Variants in ASTN1 observed in about 807,000 individuals in gnomAD.
ASTN1 encodes the protein astrotactin 1, also known as astrotactin-1.
A neutral mutation model predicts 140.7 loss-of-function variants in ASTN1; 41 were observed. The observed-to-expected ratio is 0.29, with a 90% CI of 0.23 to 0.38. The LOEUF is 0.38. Ranked by LOEUF, ASTN1 falls within the 10% of genes least tolerant of loss-of-function variation. The pLI is 1.00. For missense variants in ASTN1, 1,479 were observed against 1,678.8 expected, an observed-to-expected ratio of 0.88 and a Z score of 2.08; for synonymous variants, 640 against 652.2, an observed-to-expected ratio of 0.98 and a Z score of 0.29.
intron 8 of ASTN1, among the ~76,000 whole-genome samples, chr1:176,986,516 A>G (rs1175700416): frequency 6.6e-6 from 1 of 152,116 alleles, no homozygotes; most frequent in African/African-American, 2.4e-5. Flanking sequence ...AGTGATTTGG[A>G]AGTGGGGGGA....
At chr1:177,067,731 A>G (rs1417919887) in intron 1 of ASTN1, among the ~76,000 whole-genome samples, 1 of 152,182 alleles carries the variant, frequency 6.6e-6, no homozygotes, top group Admixed American at 6.5e-5. Context: ...GATCCTCTAA[A>G]GACCCCAACT....
In ASTN1 at chr1:176,943,891, C is replaced by A; in HGVS notation, c.2377G>T (p.Gly793Trp). ...EPTPDPDFLT[G>W]MVNFSEVSGY... ...AATAAGGTTGAGAAGGCACACTCAC[C>A]AGTCAGGAAGTCAGGGTCAGGGGTG... Residue 793 changes from glycine to tryptophan, a missense_variant and splice_region_variant, in exon 14 of 23, where the codon GGG becomes TGG. This residue lies in a region of ASTN1 where 746 missense variants were observed against 800.9 expected (regional missense o/e 0.93). Coordinates refer to ENST00000361833, the MANE Select transcript of ASTN1 (RefSeq NM_004319.3). 6.3e-7 allele frequency: 1 copy of A among 1,599,472 alleles called. No homozygotes were observed. The highest frequency in any genetic ancestry group is 8.5e-7 in the Non-Finnish European group (1 of 1,171,544).
chr1:176,999,715 G>T (rs753676637), intron 8 of ASTN1, among the ~76,000 whole-genome samples: 2 of 152,098 alleles, frequency 1.3e-5, no homozygotes, highest in African/African-American at 2.4e-5. Flanking sequence ...GTATGGGGAG[G>T]GACCCGGTGG....
intron 20 of ASTN1, among the ~76,000 whole-genome samples, chr1:176,877,352 C>G (rs1668610007): frequency 6.6e-6 from 1 of 152,156 alleles, no homozygotes; most frequent in African/African-American, 2.4e-5. Flanking sequence ...AGATGCAAAA[C>G]AGCCCTAGTG....
chr1:176,868,331 G>A (rs1048458313), intron 22 of ASTN1, among the ~76,000 whole-genome samples: 1 of 152,206 alleles, frequency 6.6e-6, no homozygotes. Flanking sequence ...GCCAAGAGAA[G>A]TTAGCACACA....
chr1:177,019,786 C>T (rs1675728876), intron 7 of ASTN1, among the ~76,000 whole-genome samples: 1 of 152,170 alleles, frequency 6.6e-6, no homozygotes, highest in Non-Finnish European at 1.5e-5. Flanking sequence ...TCCATAGATT[C>T]CTGATACATC....
At position 176,863,890 on chromosome 1, in the gene ASTN1, G is replaced by A; in HGVS notation, c.*394C>T. ...CTTTCTGGCCTCACCTCTGCTCCCA[G>A]TTGCAATGGATTTAGGAACTGAGTG... is the stretch of plus-strand genomic sequence containing the variant. On this transcript the variant is annotated 3_prime_UTR_variant, in exon 23 of 23. Coordinates refer to ENST00000361833, the MANE Select transcript of ASTN1 (RefSeq NM_004319.3). 1.1e-5 allele frequency: 11 copies of A among 1,015,576 alleles called. No homozygotes were observed. The highest frequency in any genetic ancestry group is 1.3e-5 in the Non-Finnish European group (11 of 847,254). 62.9% of individuals were successfully genotyped at this position (1,015,576 alleles called of 1,614,324 possible).
chr1:176,988,326 A>AAC (rs1674001941), intron 8 of ASTN1, among the ~76,000 whole-genome samples: 1 of 151,762 alleles, frequency 6.6e-6, no homozygotes, highest in Non-Finnish European at 1.5e-5. Flanking sequence ...GGAAAAAAAA[A>AAC]AAAAAAACCT....
chr1:177,036,259 C>T (rs1676716112), intron 2 of ASTN1, among the ~76,000 whole-genome samples: 1 of 151,786 alleles, frequency 6.6e-6, no homozygotes. Flanking sequence ...CATGTTGAGG[C>T]TGGTCTCAAA....
intron 8 of ASTN1, among the ~76,000 whole-genome samples, chr1:176,986,585 C>T (rs1188527458): frequency 2.6e-5 from 4 of 152,094 alleles, no homozygotes; most frequent in Non-Finnish European, 5.9e-5. Flanking sequence ...GCCACCAAGA[C>T]ATAGCAGTTC....
chr1:177,017,830 T>A (rs1373684247), intron 7 of ASTN1, among the ~76,000 whole-genome samples: 1 of 152,090 alleles, frequency 6.6e-6, no homozygotes, highest in East Asian at 1.9e-4. Flanking sequence ...CGCCTCGAGG[T>A]ACCTTGGATG....
intron 8 of ASTN1, among the ~76,000 whole-genome samples, chr1:176,998,566 C>CT (rs1457518848): frequency 6.6e-6 from 1 of 152,066 alleles, no homozygotes; most frequent in Non-Finnish European, 1.5e-5. Context: ...CATTAAGTCA[C>CT]TGACAGTGGA....
intron 8 of ASTN1, among the ~76,000 whole-genome samples, chr1:177,009,710 C>A (rs1675192608): frequency 6.6e-6 from 1 of 152,186 alleles, no homozygotes; most frequent in Non-Finnish European, 1.5e-5. Flanking sequence ...TGCATTGCCT[C>A]CAGAGCAGGC....
At chr1:177,000,960 A>G (rs371875395) in intron 8 of ASTN1, among the ~76,000 whole-genome samples, 154 of 152,290 alleles carry the variant, frequency 1.0e-3, no homozygotes, top group African/African-American at 3.6e-3. Context: ...TTCAGCTGGT[A>G]TTCCTACTCT....
chr1:177,123,169 C>T (rs1558111897), intron 1 of ASTN1, among the ~76,000 whole-genome samples: 5 of 152,186 alleles, frequency 3.3e-5, no homozygotes, highest in Admixed American at 1.3e-4. Flanking sequence ...TCAGGGGAAC[C>T]AGTGCATGCT....
chr1:177,124,446 T>A (rs1681549465), intron 1 of ASTN1, among the ~76,000 whole-genome samples: 1 of 152,120 alleles, frequency 6.6e-6, no homozygotes, highest in African/African-American at 2.4e-5. Flanking sequence ...CCAGGAGGGA[T>A]GAGATAAAGA....
At chr1:177,143,285 A>G (rs1234782401) in intron 1 of ASTN1, among the ~76,000 whole-genome samples, 4 of 152,240 alleles carry the variant, frequency 2.6e-5, no homozygotes, top group African/African-American at 9.6e-5. Flanking sequence ...GTTGTTGTCA[A>G]TGCCCAGTCT....
chr1:176,928,911 AG>A (rs756596122), intron 16 of ASTN1, among the ~76,000 whole-genome samples: 20 of 152,324 alleles, frequency 1.3e-4, no homozygotes, highest in Non-Finnish European at 2.4e-4. Flanking sequence ...AAGGGACAAG[AG>A]AGTTTCAAGT....
At chr1:177,155,037 G>C (rs1017203098) in intron 1 of ASTN1, among the ~76,000 whole-genome samples, 4 of 152,140 alleles carry the variant, frequency 2.6e-5, no homozygotes, top group Non-Finnish European at 5.9e-5. Context: ...AAATAACTGA[G>C]CTATCAAGCC....
Sources: gnomAD v4.1 joint callset for allele counts (sites outside exome capture counted in the v4.1 genomes callset) on GRCh38, gnomAD v4.1.1 for gene constraint, gnomAD v4.1.1 regional missense constraint, MANE v1.5 for transcripts, NCBI Gene and HGNC (gene_info 2026-07-23, HGNC 2026-07-21) for gene names.